The following AOPEP variants were observed in gnomAD, a reference collection of about 807,000 sequenced individuals.
The protein encoded by AOPEP is aminopeptidase O.
AOPEP carries 77 observed loss-of-function variants against 98.1 expected under a neutral mutation model. The ratio of observed to expected loss-of-function variants is 0.78; its 90% CI spans 0.65 to 0.95. The LOEUF is 0.95. Among genes scored for constraint, AOPEP ranks in the 40% least tolerant of loss-of-function variants. The pLI, the probability that AOPEP is intolerant of heterozygous loss-of-function variation, is 0.00. For synonymous variants in AOPEP, 346 were observed against 365.3 expected, an observed-to-expected ratio of 0.95 and a Z score of 0.60; for missense variants, 1,024 against 1,024.7, an observed-to-expected ratio of 1.00 and a Z score of 0.01.
the AOPEP span, among the ~76,000 whole-genome samples, chr9:95,111,919 G>C: frequency 1.3e-5 from 2 of 152,226 alleles, no homozygotes; most frequent in Non-Finnish European, 2.9e-5. Flanking sequence ...AGGCACTGAA[G>C]AAGGAAGACT....
the AOPEP span, among the ~76,000 whole-genome samples, chr9:95,104,388 G>A: frequency 6.6e-6 from 1 of 152,164 alleles, no homozygotes; most frequent in African/African-American, 2.4e-5. Flanking sequence ...GGCTTCTGCT[G>A]TGTGTGTCTT....
chr9:94,866,737 C>A (rs2045744845), intron 5 of AOPEP, among the ~76,000 whole-genome samples: 1 of 151,890 alleles, frequency 6.6e-6, no homozygotes, highest in South Asian at 2.1e-4. Context: ...TTTTTCAAAC[C>A]AAATCTTTGG....
At chr9:94,843,240 C>T (rs2042484094) in intron 5 of AOPEP, among the ~76,000 whole-genome samples, 1 of 152,170 alleles carries the variant, frequency 6.6e-6, no homozygotes, top group South Asian at 2.1e-4. Flanking sequence ...TCTTGTTTCC[C>T]TTACCTAGCC....
At chr9:95,068,527 C>T (rs1414137520) in intron 14 of AOPEP, among the ~76,000 whole-genome samples, 1 of 152,134 alleles carries the variant, frequency 6.6e-6, no homozygotes, top group East Asian at 1.9e-4. Context: ...CTTTGTATTA[C>T]TGAGTTATAA....
At chr9:94,903,929 A>T (rs964874821) in intron 5 of AOPEP, among the ~76,000 whole-genome samples, 2 of 148,770 alleles carry the variant, frequency 1.3e-5, no homozygotes, top group Non-Finnish European at 3.0e-5. Context: ...AAAATGTTTA[A>T]AAAGTTACAG....
At chr9:95,114,359 C>T in the AOPEP span, 1 of 481,484 alleles carries the variant, frequency 2.1e-6, no homozygotes, top group Non-Finnish European at 3.8e-6. Context: ...CTGTATATTT[C>T]AAAATCTAAA....
At position 94,928,435 on chromosome 9, in the gene AOPEP, A is replaced by T; in HGVS notation, c.1565A>T (p.Tyr522Phe). 6.5e-7 allele frequency: 1 copy of T among 1,548,110 alleles called. No homozygotes were observed. The highest frequency in any genetic ancestry group is 8.7e-7 in the Non-Finnish European group (1 of 1,146,842). ...TCTGTGGCTGAGCAGCTGGCCCCCT[A>T]TGAGGCCCGGGAGCAGCAGGAGCTG... ...FWATAQQLAP[Y>F]EAREQQELRA... is the part of the protein sequence containing the mutation. Residue 522 changes from tyrosine to phenylalanine, a missense_variant, in exon 7 of 17, where the codon TAT becomes TTT. Physicochemically the swap from Tyr to Phe is conservative, Grantham distance 22. Transcript: ENST00000375315.
At chr9:95,149,946 C>T in the AOPEP span, 1 of 1,609,092 alleles carries the variant, frequency 6.2e-7, no homozygotes. Flanking sequence ...CGTTTACAGC[C>T]TCAAAGAACT....
chr9:95,037,893 C>G (rs2064966192), intron 13 of AOPEP, among the ~76,000 whole-genome samples: 2 of 152,140 alleles, frequency 1.3e-5, no homozygotes, highest in Non-Finnish European at 2.9e-5. Flanking sequence ...GGCTTTCTGC[C>G]TTGAGACCCT....
chr9:95,094,903 A>G, the AOPEP span, among the ~76,000 whole-genome samples: 1 of 152,120 alleles, frequency 6.6e-6, no homozygotes, highest in Non-Finnish European at 1.5e-5. Flanking sequence ...TGACCTCGTG[A>G]TCTGCCTGCC....
At chr9:95,087,655 T>G (rs748819308), downstream of AOPEP, among the ~76,000 whole-genome samples, 7 of 152,118 alleles carry the variant, frequency 4.6e-5, no homozygotes, top group African/African-American at 1.7e-4. Context: ...CCTCTTCCGA[T>G]AAAATGGAGA....
chr9:95,125,221 C>T, the AOPEP span: 1 of 1,553,550 alleles, frequency 6.4e-7, no homozygotes. Flanking sequence ...ACACGTTTAA[C>T]AAGTAATCCG....
At chr9:94,825,732 C>G (rs1854367697) in intron 5 of AOPEP, among the ~76,000 whole-genome samples, 2 of 152,108 alleles carry the variant, frequency 1.3e-5, no homozygotes. Context: ...TTATTCCATT[C>G]AGGGACTATA....
At chr9:94,816,438 A>T (rs946468694) in intron 5 of AOPEP, among the ~76,000 whole-genome samples, 1 of 152,156 alleles carries the variant, frequency 6.6e-6, no homozygotes. Flanking sequence ...AATTGGCCCA[A>T]CCTTTGGCTA....
intron 11 of AOPEP, among the ~76,000 whole-genome samples, chr9:94,989,463 C>T (rs1434571418): frequency 2.6e-5 from 4 of 152,054 alleles, no homozygotes; most frequent in African/African-American, 9.7e-5. Context: ...TCTCGATCTC[C>T]TAACCTCGTG....
chr9:94,762,713 G>T (rs1838640387), intron 2 of AOPEP, among the ~76,000 whole-genome samples: 1 of 152,112 alleles, frequency 6.6e-6, no homozygotes, highest in Non-Finnish European at 1.5e-5. Flanking sequence ...TTTCTGGGGT[G>T]GGGAGTTTTA....
At chr9:94,747,147 G>A (rs144743564) in intron 1 of AOPEP, among the ~76,000 whole-genome samples, 37 of 151,448 alleles carry the variant, frequency 2.4e-4, no homozygotes, top group African/African-American at 8.7e-4. Flanking sequence ...AGTAAATTTA[G>A]AGCAAAGAGA....
chr9:94,924,804 A>G (rs1183099016), intron 6 of AOPEP, among the ~76,000 whole-genome samples: 1 of 152,210 alleles, frequency 6.6e-6, no homozygotes, highest in Non-Finnish European at 1.5e-5. Context: ...AAGGTAACTT[A>G]TAATTCTGGA....
At chr9:94,916,249 G>A (rs777982289) in intron 5 of AOPEP, among the ~76,000 whole-genome samples, 6 of 152,168 alleles carry the variant, frequency 3.9e-5, no homozygotes, top group Admixed American at 6.5e-5. Context: ...GGTGGGGGCC[G>A]TGGGGAGGTG....
Sources: allele counts gnomAD v4.1 joint callset (sites outside exome capture counted in the v4.1 genomes callset), GRCh38; gene constraint gnomAD v4.1.1; transcripts MANE v1.5; gene names NCBI Gene and HGNC (gene_info 2026-07-23, HGNC 2026-07-21).